UBE2E1: variants seen among roughly 807,000 people sequenced by gnomAD.
UBE2E1 encodes the protein ubiquitin conjugating enzyme E2 E1.
In UBE2E1, 6 loss-of-function variants were observed where a neutral mutation model predicts 21.4. The observed-to-expected ratio is 0.28, with a 90% CI of 0.15 to 0.55. The LOEUF (loss-of-function observed/expected upper bound fraction) is 0.55, where lower values mean the gene tolerates loss of function less well. UBE2E1 is among the 20% of genes least tolerant of loss of function. UBE2E1 has a pLI of 0.93. For missense variants in UBE2E1, 142 were observed against 236.5 expected, an observed-to-expected ratio of 0.60 and a Z score of 2.62; for synonymous variants, 87 against 82.7, an observed-to-expected ratio of 1.05 and a Z score of -0.28.
At chr3:23,884,864 T>C (rs1352185553) in intron 3 of UBE2E1, among the ~76,000 whole-genome samples, 1 of 152,338 alleles carries the variant, frequency 6.6e-6, no homozygotes, top group African/African-American at 2.4e-5. Context: ...TTTAAGTGTT[T>C]ACCATAAACT....
chr3:23,834,209 A>G (rs921345874), intron 3 of UBE2E1, among the ~76,000 whole-genome samples: 15 of 152,170 alleles, frequency 9.9e-5, no homozygotes, highest in African/African-American at 3.4e-4. Context: ...CTTGGTTTTG[A>G]GTCTCACCAT....
rs1467229520 is a variant in UBE2E1, at chr3:23,806,076, G to C, written c.-46G>C. ...CCGCCGCGGCGGCACGGAGGAGCCA[G>C]ACACAAAGAGAGGTACGGGGATCCC... On this transcript the variant is annotated 5_prime_UTR_variant, in exon 1 of 6. Transcript: ENST00000306627. The surrounding 1 kb of genome is among the most constrained non-coding windows in gnomAD (Gnocchi z 6.5). 6.6e-6 allele frequency: 1 copy of C among 151,386 alleles called. No individual in the cohort carries two copies. The allele number at this position is 151,386 out of a possible 1,614,324, so 9.4% of individuals were successfully genotyped here. A position where few individuals can be genotyped will look rare whatever the true frequency, so the allele number is the denominator to read the frequency against.
rs762235695 is a variant in UBE2E1, at chr3:23,887,721, TCAAATTTA to T, written c.336+24_336+31del. On this transcript the variant is annotated intron_variant, in intron 4 of 5. Transcript: ENST00000306627. This position sits in a 1 kb window ranked among gnomAD's most constrained non-coding sequence, Gnocchi z 4.4. ...AAAGGTAAGAAATCTCCCTGTATGC[TCAAATTTA>T]CTAATTCCCACAAGAGAGCAACTGT... is the stretch of plus-strand genomic sequence containing the variant. 1.3e-6 allele frequency: 2 copies of T among 1,587,076 alleles called. No homozygotes were observed. Among genetic ancestry groups the T allele is most frequent in the East Asian group, 4.5e-5 (2 of 44,748 alleles).
At chr3:23,856,538 T>A (rs1464399558) in intron 3 of UBE2E1, among the ~76,000 whole-genome samples, 2 of 152,228 alleles carry the variant, frequency 1.3e-5, no homozygotes, top group Admixed American at 1.3e-4. Context: ...ACTAAGATTT[T>A]CTTCTAGATT....
intron 3 of UBE2E1, among the ~76,000 whole-genome samples, chr3:23,845,589 C>CTCTCTCTCTCTCTCTCTCTCTCTCTCTG (rs1553637998): frequency 8.2e-6 from 1 of 121,358 alleles, no homozygotes; most frequent in East Asian, 2.3e-4. Context: ...CTCTCTCTCT[C>CTCTCTCTCTCTCTCTCTCTCTCTCTCTG]TGTGTGTGTG....
At chr3:23,811,391 C>A in intron 2 of UBE2E1, 69 bp from the exon 3 acceptor site, 1 of 1,464,456 alleles carries the variant, frequency 6.8e-7, no homozygotes, top group Non-Finnish European at 9.6e-7. Context: ...CAGACCTGCA[C>A]GCTACAGGTG....
intron 3 of UBE2E1, among the ~76,000 whole-genome samples, chr3:23,851,646 A>C (rs186841504): frequency 6.6e-6 from 1 of 152,214 alleles, no homozygotes; most frequent in East Asian, 1.9e-4. Context: ...CTCTATAAAG[A>C]ATAAAATAAG....
At chr3:23,809,691 G>C (rs1301277843) in intron 2 of UBE2E1, among the ~76,000 whole-genome samples, 1 of 152,148 alleles carries the variant, frequency 6.6e-6, no homozygotes, top group Non-Finnish European at 1.5e-5. Context: ...GTGGGAGTTG[G>C]GTTGGCAAGG....
Position 23,883,518 on chromosome 3 carries a change from C to T in UBE2E1, c.204-4049C>T, listed in dbSNP as rs768662205. 3.9e-5 allele frequency among the ~76,000 whole-genome samples: 6 copies of T among 152,132 alleles called. No homozygotes were observed. The East Asian group carries it at 7.7e-4, about 20-fold the overall frequency. ...AACTTAGGAAACAAATAAAATTGTA[C>T]GCCCCTGCATCAGAATTTTTCTGTT... On this transcript the variant is annotated intron_variant, in intron 3 of 5. Transcript: ENST00000306627.
chr3:23,886,163 C>CA (rs1388361444), intron 3 of UBE2E1, among the ~76,000 whole-genome samples: 1 of 152,182 alleles, frequency 6.6e-6, no homozygotes, highest in Non-Finnish European at 1.5e-5. Flanking sequence ...TCATGCCACT[C>CA]ACTGCATTCC....
rs577839921 is a variant in UBE2E1 at position 23,838,525 on chromosome 3, T to C, written c.203+27015T>C. ...ATTTTTATTTTTTGAGATGGAGTCTTACCCTGTCACCCAGGCCGGAGTGCA... is the reference window on the plus strand; with the variant it reads ...ATTTTTATTTTTTGAGATGGAGTCTCACCCTGTCACCCAGGCCGGAGTGCA... On this transcript the variant is annotated intron_variant, in intron 3 of 5. Transcript: ENST00000306627. Among the ~76,000 whole-genome samples, 8 of 152,232 alleles carry C rather than the reference T, an allele frequency of 5.3e-5. No homozygotes were observed. The East Asian group carries it at 1.5e-3, about 29-fold the overall frequency.
chr3:23,884,539 C>A (rs1413887461), intron 3 of UBE2E1, among the ~76,000 whole-genome samples: 1 of 152,058 alleles, frequency 6.6e-6, no homozygotes, highest in Admixed American at 6.6e-5. Flanking sequence ...TTGGGAATCA[C>A]CAATTTTCTG....
Position 23,807,365 on chromosome 3 carries a change from G to A in UBE2E1, c.96G>A (p.Lys32=), listed in dbSNP as rs758101921. ...AAGAAACAAACACCCCCAAGAAGAA[G>A]GAGAGTAAAGTCAGCATGAGCAAAA... ...TEKETNTPKK[K]ESKVSMSKNS... is the part of the protein sequence containing the mutation. Residue 32 remains lysine, a synonymous_variant, in exon 2 of 6, where the codon AAG becomes AAA. Transcript: ENST00000306627. The A allele has an allele frequency of 1.9e-5, 30 of 1,613,732 alleles. No individual in the cohort carries two copies. Among genetic ancestry groups the A allele is most frequent in the Middle Eastern group, 1.6e-4 (1 of 6,082 alleles).
chr3:23,824,303 T>A (rs1301350204), intron 3 of UBE2E1, among the ~76,000 whole-genome samples: 2 of 152,200 alleles, frequency 1.3e-5, no homozygotes, highest in Non-Finnish European at 2.9e-5. Context: ...TGTCTCTGTG[T>A]CCTGTTTATT....
intron 4 of UBE2E1, among the ~76,000 whole-genome samples, chr3:23,888,710 TTATG>T (rs1460670030): frequency 1.3e-5 from 2 of 152,222 alleles, no homozygotes; most frequent in Admixed American, 1.3e-4. Flanking sequence ...TTAATTATCT[TTATG>T]TACCCATTAT....
In UBE2E1 at chr3:23,814,175, G is replaced by A. The variant is rs530500419; in HGVS notation, c.203+2665G>A. On this transcript the variant is annotated intron_variant, in intron 3 of 5. Transcript: ENST00000306627. Reference sequence around the variant, plus strand: ...GTCTCAAAAAAAAAAGTTGATTATTGCAAATCAGTAGAATTGCTCCTCTTG... The same window carrying A: ...GTCTCAAAAAAAAAAGTTGATTATTACAAATCAGTAGAATTGCTCCTCTTG... Among the ~76,000 whole-genome samples, 11 of 152,118 alleles carry A rather than the reference G, an allele frequency of 7.2e-5. No individual in the cohort carries two copies. The South Asian group carries it at 2.1e-3, about 29-fold the overall frequency.
intron 3 of UBE2E1, among the ~76,000 whole-genome samples, chr3:23,839,280 G>A (rs890204163): frequency 2.6e-4 from 39 of 151,998 alleles, no homozygotes; most frequent in African/African-American, 8.2e-4. Context: ...TGGCTAACAC[G>A]GTGAAACCCT....
chr3:23,860,208 A>G (rs1166969590), intron 3 of UBE2E1, among the ~76,000 whole-genome samples: 1 of 152,230 alleles, frequency 6.6e-6, no homozygotes, highest in Non-Finnish European at 1.5e-5. Flanking sequence ...GGCTAGATGA[A>G]GATGAACGTT....
At chr3:23,831,382 ACT>A (rs1342171850) in intron 3 of UBE2E1, among the ~76,000 whole-genome samples, 1 of 151,988 alleles carries the variant, frequency 6.6e-6, no homozygotes, top group African/African-American at 2.4e-5. Context: ...CAGTTGTAAA[ACT>A]CTTGGGCGAG....
Sources: allele counts gnomAD v4.1 joint callset (sites outside exome capture counted in the v4.1 genomes callset), GRCh38; gene constraint gnomAD v4.1.1; non-coding constraint Gnocchi (gnomAD v3.1); transcripts MANE v1.5; gene names NCBI Gene and HGNC (gene_info 2026-07-23, HGNC 2026-07-21).